Variants in CENPP observed in about 807,000 individuals in gnomAD.
CENPP encodes the protein centromere protein P.
A neutral mutation model predicts 35.6 loss-of-function variants in CENPP; 24 were observed. That is an observed-to-expected ratio of 0.67 (90% CI 0.49 to 0.95). CENPP has a LOEUF of 0.95. Among genes scored for constraint, CENPP ranks in the 40% least tolerant of loss-of-function variants. CENPP has a pLI of 0.00. For missense variants in CENPP, 332 were observed against 345.3 expected, an observed-to-expected ratio of 0.96 and a Z score of 0.31; for synonymous variants, 120 against 125.5, an observed-to-expected ratio of 0.96 and a Z score of 0.29.
At chr9:92,594,424 C>T (rs951415642) in intron 5 of CENPP, among the ~76,000 whole-genome samples, 6 of 152,090 alleles carry the variant, frequency 3.9e-5, no homozygotes, top group African/African-American at 1.4e-4. Flanking sequence ...CCTTGTTTTT[C>T]TTATTTTAAA....
At position 92,452,935 on chromosome 9, in the gene CENPP, C is replaced by T. The variant is rs930039785; in HGVS notation, c.564+73076C>T. On this transcript the variant is annotated intron_variant, in intron 5 of 7. Transcript: ENST00000375587. ...ATGGTAGTTTGTATTTCTGTGGGAT[C>T]GGTGGTGATATCCCCTTTATCATTT... Among the ~76,000 whole-genome samples, 19 of 152,124 alleles carry T rather than the reference C, an allele frequency of 1.2e-4. No individual in the cohort carries two copies. The South Asian group carries it at 1.7e-3, about 13-fold the overall frequency.
At chr9:92,588,656 A>G (rs1414524586) in intron 5 of CENPP, among the ~76,000 whole-genome samples, 2 of 152,176 alleles carry the variant, frequency 1.3e-5, no homozygotes, top group Non-Finnish European at 2.9e-5. Context: ...GAGAGAATAG[A>G]TCTGTATAAT....
chr9:92,590,683 C>A (rs549121802), intron 5 of CENPP, among the ~76,000 whole-genome samples: 88 of 152,330 alleles, frequency 5.8e-4, no homozygotes, highest in Non-Finnish European at 8.4e-4. Context: ...CTGTACAATC[C>A]CTTTCCATGT....
At chr9:92,459,704 C>T (rs1160184316) in intron 5 of CENPP, 1 of 1,613,044 alleles carries the variant, frequency 6.2e-7, no homozygotes, top group Non-Finnish European at 8.5e-7. Flanking sequence ...GTATTTCTCT[C>T]ACACGTGGTA....
intron 5 of CENPP, among the ~76,000 whole-genome samples, chr9:92,501,481 G>A (rs982145394): frequency 1.3e-5 from 2 of 152,250 alleles, no homozygotes; most frequent in Middle Eastern, 3.4e-3. Flanking sequence ...GCTTGTTTTG[G>A]TTCCCCTTCC....
intron 5 of CENPP, among the ~76,000 whole-genome samples, chr9:92,415,737 T>G (rs1481726306): frequency 6.7e-6 from 1 of 149,288 alleles, no homozygotes; most frequent in African/African-American, 2.4e-5. Flanking sequence ...AAAAAAAAAT[T>G]ATCTACAATC....
In CENPP at chr9:92,618,816, C is replaced by T. The variant is rs937048038; in HGVS notation, c.*5667C>T. On this transcript the variant is annotated 3_prime_UTR_variant, in exon 8 of 8. Transcript: ENST00000375587. The stretch of plus-strand genomic sequence containing the variant: ...AAAGTGAGTGGCTGGCAGCCAGCAA[C>T]CAAGGTCATCTTGACCCAGGAACAC... The T allele has an allele frequency of 2.8e-6, 1 of 353,692 alleles. No homozygotes were observed. Among genetic ancestry groups the T allele is most frequent in the African/African-American group, 2.1e-5 (1 of 46,664 alleles). 21.9% of individuals were successfully genotyped at this position (353,692 alleles called of 1,614,324 possible).
intron 5 of CENPP, among the ~76,000 whole-genome samples, chr9:92,565,076 C>T (rs1849932587): frequency 6.6e-6 from 1 of 151,896 alleles, no homozygotes; most frequent in Non-Finnish European, 1.5e-5. Context: ...GGGGAGATGG[C>T]AGAGTAGGCA....
intron 5 of CENPP, among the ~76,000 whole-genome samples, chr9:92,601,659 C>T (rs992685668): frequency 3.9e-5 from 6 of 152,316 alleles, no homozygotes; most frequent in South Asian, 2.1e-4. Flanking sequence ...CTCCATGTCA[C>T]GCTCCATGTG....
At chr9:92,474,065 G>T (rs1845621213) in intron 5 of CENPP, among the ~76,000 whole-genome samples, 1 of 152,172 alleles carries the variant, frequency 6.6e-6, no homozygotes, top group South Asian at 2.1e-4. Context: ...GCTCTTGAGT[G>T]CTCCTTCATT....
chr9:92,379,776 A>G lies in CENPP; in HGVS notation c.481A>G (p.Lys161Glu). The change falls in exon 5 of 8, where the codon AAA (lysine) becomes GAA (glutamate). Residue 161 changes from lysine to glutamate, a missense_variant. Transcript: ENST00000375587. ...SEFVSRAEERKDLFMFFRSLH... is the reference protein window; with the variant it reads ...SEFVSRAEEREDLFMFFRSLH... ...TTATTCCTACAGAGCAGAAGAGAGA[A>G]AAGATCTGTTCATGTTTTTCCGAAG... 1 of 1,610,390 alleles carries G rather than the reference A, an allele frequency of 6.2e-7. No homozygotes were observed. Among genetic ancestry groups the G allele is most frequent in the Non-Finnish European group, 8.5e-7 (1 of 1,176,708 alleles).
chr9:92,364,511 C>G (rs573050889), intron 4 of CENPP, among the ~76,000 whole-genome samples: 95 of 152,128 alleles, frequency 6.2e-4, no homozygotes, highest in Admixed American at 9.2e-4. Context: ...TGTCTTATGG[C>G]TTAACAGTAA....
At chr9:92,417,492 C>T in intron 5 of CENPP, 1 of 1,613,616 alleles carries the variant, frequency 6.2e-7, no homozygotes, top group Non-Finnish European at 8.5e-7. Context: ...TGATAAGTTT[C>T]ATATTGGCAA....
chr9:92,616,571 A>T lies in CENPP; in HGVS notation c.*3422A>T, dbSNP rs998968753. 3.9e-5 allele frequency: 6 copies of T among 154,490 alleles called. No individual in the cohort carries two copies. The highest frequency in any genetic ancestry group is 1.2e-4 in the African/African-American group (5 of 41,442). 9.6% of individuals were successfully genotyped at this position (154,490 alleles called of 1,614,324 possible). A position where few individuals can be genotyped will look rare whatever the true frequency, so the allele number is the denominator to read the frequency against. ...TCTTTGCCTCTCCTGTCTGCTGAGA[A>T]ACGCAAGCTCCTTTGGTTCACATTT... On this transcript the variant is annotated 3_prime_UTR_variant, in exon 8 of 8. Coordinates refer to ENST00000375587, the MANE Select transcript of CENPP (RefSeq NM_001012267.3).
intron 5 of CENPP, among the ~76,000 whole-genome samples, chr9:92,575,840 A>G (rs1850270234): frequency 6.6e-6 from 1 of 152,210 alleles, no homozygotes; most frequent in Non-Finnish European, 1.5e-5. Flanking sequence ...TCCTATCCAA[A>G]AAACAGAAAA....
intron 5 of CENPP, among the ~76,000 whole-genome samples, chr9:92,585,171 C>T (rs1850511634): frequency 6.6e-6 from 1 of 152,162 alleles, no homozygotes; most frequent in South Asian, 2.1e-4. Flanking sequence ...TAGGACTGGG[C>T]TGTAATATTA....
chr9:92,529,031 A>G (rs1312448845), intron 5 of CENPP, among the ~76,000 whole-genome samples: 1 of 152,248 alleles, frequency 6.6e-6, no homozygotes, highest in African/African-American at 2.4e-5. Flanking sequence ...GATATTTTTA[A>G]AAACCCAAAT....
At chr9:92,340,943 A>G (rs1841096115) in intron 3 of CENPP, among the ~76,000 whole-genome samples, 1 of 152,220 alleles carries the variant, frequency 6.6e-6, no homozygotes, top group Admixed American at 6.5e-5. Flanking sequence ...CGGGCGGAAC[A>G]GAGCCATATT....
intron 4 of CENPP, among the ~76,000 whole-genome samples, chr9:92,379,358 A>C (rs1442504316): frequency 6.6e-6 from 1 of 152,232 alleles, no homozygotes; most frequent in Non-Finnish European, 1.5e-5. Context: ...AGAAGCCACT[A>C]TGAGACAACT....
Sources: gnomAD v4.1 joint callset for allele counts (sites outside exome capture counted in the v4.1 genomes callset) on GRCh38, gnomAD v4.1.1 for gene constraint, MANE v1.5 for transcripts, NCBI Gene and HGNC (gene_info 2026-07-23, HGNC 2026-07-21) for gene names.